The following SLIT3 variants were observed in gnomAD, a reference collection of about 807,000 sequenced individuals.
The protein encoded by SLIT3 is slit guidance ligand 3.
In SLIT3, 68 loss-of-function variants were observed where a neutral mutation model predicts 184.0. The ratio of observed to expected loss-of-function variants is 0.37; its 90% confidence interval spans 0.30 to 0.45. The LOEUF is 0.45. SLIT3 is among the 20% of genes least tolerant of loss of function. SLIT3 has a pLI of 1.00. For synonymous variants in SLIT3, 831 were observed against 828.6 expected (o/e 1.00, Z -0.05); for missense variants, 1,707 against 2,026.0 (o/e 0.84, Z 3.02).
At chr5:168,711,728 T>A (rs541543964) in intron 24 of SLIT3, among the ~76,000 whole-genome samples, 12 of 152,362 alleles carry the variant, frequency 7.9e-5, no homozygotes, top group African/African-American at 2.2e-4. Flanking sequence ...AAGAGAGGTC[T>A]GGCCTGGGAG....
rs138783735 is a variant in SLIT3 at position 168,909,135 on chromosome 5, G to A, written c.414-25799C>T. The stretch of plus-strand genomic sequence containing the variant: ...TCACACATCTATCATGCCTGCATGC[G>A]TATGTGAATAAACAGCAGCTAGGAC... On this transcript the variant is annotated intron_variant, in intron 4 of 35. Coordinates refer to ENST00000519560, the MANE Select transcript of SLIT3 (RefSeq NM_003062.4). Among the ~76,000 whole-genome samples, 165 of 152,312 alleles carry A rather than the reference G, an allele frequency of 1.1e-3. 2 individuals carry two copies. The East Asian group carries it at 0.024, about 22-fold the overall frequency.
chr5:169,233,912 A>G (rs963660740), intron 3 of SLIT3, among the ~76,000 whole-genome samples: 2 of 152,166 alleles, frequency 1.3e-5, no homozygotes, highest in Non-Finnish European at 2.9e-5. Flanking sequence ...TTCTGTTAGG[A>G]GAAACGTTTT....
At chr5:169,266,903 C>T (rs80282346) in intron 1 of SLIT3, among the ~76,000 whole-genome samples, 3,735 of 152,236 alleles carry the variant, frequency 0.025, 72 homozygotes, top group African/African-American at 0.045. Flanking sequence ...GCTTTGGATC[C>T]TAACACATAT....
chr5:169,073,747 G>A (rs1015923725), intron 4 of SLIT3, among the ~76,000 whole-genome samples: 9 of 152,028 alleles, frequency 5.9e-5, no homozygotes, highest in Non-Finnish European at 1.3e-4. Context: ...CTTGCCATGT[G>A]ATGTGAAGGC....
At chr5:169,031,387 C>T (rs1757020981) in intron 4 of SLIT3, among the ~76,000 whole-genome samples, 1 of 152,180 alleles carries the variant, frequency 6.6e-6, no homozygotes, top group South Asian at 2.1e-4. Context: ...AAGATGCCTT[C>T]TGATAGATCT....
chr5:169,055,827 C>G (rs138769455), intron 4 of SLIT3, among the ~76,000 whole-genome samples: 3,026 of 142,496 alleles, frequency 0.021, 106 homozygotes, highest in African/African-American at 0.078. Context: ...GAAACTCTGT[C>G]TCGGAGGAAA....
intron 5 of SLIT3, among the ~76,000 whole-genome samples, chr5:168,871,800 C>T (rs1048320538): frequency 1.3e-5 from 2 of 152,124 alleles, no homozygotes; most frequent in African/African-American, 4.8e-5. Context: ...ATATTATTTC[C>T]ACTTAACATA....
At chr5:168,797,895 AT>A (rs143932315) in intron 9 of SLIT3, among the ~76,000 whole-genome samples, 1,990 of 152,242 alleles carry the variant, frequency 0.013, 27 homozygotes, top group Middle Eastern at 0.024. Context: ...CTGCCTCTAT[AT>A]ATTTGTGAAA....
chr5:169,300,161 C>A lies in SLIT3; in HGVS notation c.197+352G>T, dbSNP rs554894665. ...CTCCTTCGCCCGCCCCCCTTTTTAA[C>A]GAGCGCAGACCCCTGACCCTCACCC... On this transcript the variant is annotated intron_variant, in intron 1 of 35. Coordinates refer to ENST00000519560, the MANE Select transcript of SLIT3 (RefSeq NM_003062.4). This position sits in a 1 kb window ranked among gnomAD's most constrained non-coding sequence, Gnocchi z 4.1. 1.6e-4 allele frequency among the ~76,000 whole-genome samples: 24 copies of A among 152,316 alleles called. No individual in the cohort carries two copies. The South Asian group carries it at 4.8e-3, about 30-fold the overall frequency.
chr5:168,796,145 C>A (rs1756556735), intron 9 of SLIT3, among the ~76,000 whole-genome samples: 1 of 152,212 alleles, frequency 6.6e-6, no homozygotes, highest in African/African-American at 2.4e-5. Context: ...ATCAAACTGG[C>A]TCCCTGACAT....
intron 7 of SLIT3, among the ~76,000 whole-genome samples, chr5:168,818,986 T>C (rs1303668985): frequency 2.6e-5 from 4 of 152,276 alleles, no homozygotes; most frequent in African/African-American, 9.6e-5. Flanking sequence ...TGATTTTGTT[T>C]CAAAAATAAT....
chr5:169,066,942 G>GAAAAAAAAA (rs60977256), intron 4 of SLIT3, among the ~76,000 whole-genome samples: 1 of 80,440 alleles, frequency 1.2e-5, no homozygotes, highest in Non-Finnish European at 2.6e-5. Context: ...TCCCTTTCCT[G>GAAAAAAAAA]AAAAAAAAAA....
intron 4 of SLIT3, among the ~76,000 whole-genome samples, chr5:168,998,893 CTGTGTG>C (rs71575505): frequency 3.9e-4 from 56 of 143,284 alleles, no homozygotes; most frequent in Admixed American, 2.0e-3. Context: ...ACCCAGAAAT[CTGTGTG>C]TGTGTGTGTG....
At chr5:168,812,403 CTGATT>C (rs1455222766) in intron 8 of SLIT3, among the ~76,000 whole-genome samples, 1 of 152,130 alleles carries the variant, frequency 6.6e-6, no homozygotes, top group Non-Finnish European at 1.5e-5. Flanking sequence ...GCTAAATCCT[CTGATT>C]TGATTTTTAC....
At chr5:168,744,591 C>G (rs1008207371) in intron 20 of SLIT3, among the ~76,000 whole-genome samples, 4 of 152,156 alleles carry the variant, frequency 2.6e-5, no homozygotes, top group Non-Finnish European at 5.9e-5. Flanking sequence ...GAAGTTGAAG[C>G]CAATACTCAT....
rs150338121 is a variant in SLIT3 at position 169,053,384 on chromosome 5, C to T, written c.413+140095G>A. ...AACTTGGAGGAAGCTAACGTTCCCTCTTGCTTTGCTCATGCAGTTGCCTTT... is the reference window on the plus strand; with the variant it reads ...AACTTGGAGGAAGCTAACGTTCCCTTTTGCTTTGCTCATGCAGTTGCCTTT... On this transcript the variant is annotated intron_variant, in intron 4 of 35. Coordinates refer to ENST00000519560, the MANE Select transcript of SLIT3 (RefSeq NM_003062.4). 5.3e-5 allele frequency among the ~76,000 whole-genome samples: 8 copies of T among 152,358 alleles called. 1 individual carries two copies. In the East Asian group the frequency reaches 1.5e-3, roughly 29 times the overall value.
chr5:169,300,881 C>G lies in SLIT3; in HGVS notation c.-172G>C, dbSNP rs866271582. The G allele has an allele frequency of 8.4e-6, 4 of 478,156 alleles. No individual in the cohort carries two copies. Among genetic ancestry groups the G allele is most frequent in the East Asian group, 5.1e-5 (1 of 19,490 alleles). 29.6% of individuals were successfully genotyped at this position (478,156 alleles called of 1,614,324 possible). A position where few individuals can be genotyped will look rare whatever the true frequency, so the allele number is the denominator to read the frequency against. ...CGGGGCGCGGGCGGAGCGGGGCGCT[C>G]CGGGCGGCGGCGGCGGCAGCAACAG... On this transcript the variant is annotated 5_prime_UTR_variant, in exon 1 of 36. Coordinates refer to ENST00000519560, the MANE Select transcript of SLIT3 (RefSeq NM_003062.4). The surrounding 1 kb of genome is among the most constrained non-coding windows in gnomAD (Gnocchi z 4.1).
intron 1 of SLIT3, among the ~76,000 whole-genome samples, chr5:169,253,373 CT>C (rs1357071526): frequency 1.3e-5 from 2 of 152,188 alleles, no homozygotes; most frequent in Non-Finnish European, 2.9e-5. Context: ...ACAAAGTGCA[CT>C]GCTGAAATGC....
At chr5:168,761,525 TCATC>T (rs748207167) in intron 15 of SLIT3, among the ~76,000 whole-genome samples, 35 of 152,090 alleles carry the variant, frequency 2.3e-4, no homozygotes, top group Non-Finnish European at 5.0e-4. Context: ...CATGCTTGCA[TCATC>T]TTTCTTAGTC....
Sources: gnomAD v4.1 joint callset for allele counts (sites outside exome capture counted in the v4.1 genomes callset) on GRCh38, gnomAD v4.1.1 for gene constraint, Gnocchi (gnomAD v3.1) non-coding constraint, MANE v1.5 for transcripts, NCBI Gene and HGNC (gene_info 2026-07-23, HGNC 2026-07-21) for gene names.